The following TRPM3 variants were observed in gnomAD, a reference collection of about 807,000 sequenced individuals.
TRPM3 encodes long transient receptor potential channel 3.
In TRPM3, 77 loss-of-function variants were observed where a neutral mutation model predicts 181.2. The observed-to-expected ratio is 0.42, with a 90% CI of 0.35 to 0.51. The LOEUF is 0.51. Among genes scored for constraint, TRPM3 ranks in the 20% least tolerant of loss-of-function variants. The pLI, the probability that TRPM3 is intolerant of heterozygous loss-of-function variation, is 0.01. For synonymous variants in TRPM3, 745 were observed against 796.4 expected (o/e 0.94, Z 1.09); for missense variants, 1,759 against 2,196.7 (o/e 0.80, Z 3.98).
chr9:71,256,240 G>A (rs899096795), intron 1 of TRPM3, among the ~76,000 whole-genome samples: 1 of 152,192 alleles, frequency 6.6e-6, no homozygotes, highest in Non-Finnish European at 1.5e-5. Context: ...CATGGCTGAA[G>A]TCACTGCGTA....
intron 1 of TRPM3, among the ~76,000 whole-genome samples, chr9:71,065,000 G>C (rs2061741917): frequency 6.6e-6 from 1 of 152,094 alleles, no homozygotes; most frequent in Non-Finnish European, 1.5e-5. Context: ...AATTAGTTTT[G>C]AACAAGGTAA....
At chr9:70,763,509 T>A (rs892595101) in intron 7 of TRPM3, among the ~76,000 whole-genome samples, 2 of 151,984 alleles carry the variant, frequency 1.3e-5, no homozygotes, top group East Asian at 3.9e-4. Flanking sequence ...CTAAAAAAAA[T>A]TTATATTTAG....
intron 1 of TRPM3, among the ~76,000 whole-genome samples, chr9:71,412,743 A>T (rs1019236282): frequency 6.6e-6 from 1 of 152,196 alleles, no homozygotes; most frequent in Non-Finnish European, 1.5e-5. Context: ...CCATCCCATT[A>T]CTGGGTATAT....
At chr9:71,366,495 GA>G (rs2092339634) in intron 1 of TRPM3, among the ~76,000 whole-genome samples, 1 of 152,066 alleles carries the variant, frequency 6.6e-6, no homozygotes, top group Admixed American at 6.5e-5. Flanking sequence ...GGAGAGAGAG[GA>G]AAATATGAGT....
At chr9:71,441,186 C>T (rs749268364) in intron 1 of TRPM3, among the ~76,000 whole-genome samples, 4 of 151,746 alleles carry the variant, frequency 2.6e-5, no homozygotes, top group Non-Finnish European at 4.4e-5. Flanking sequence ...GATATTATTT[C>T]AGAAATGCTT....
chr9:70,994,514 T>C lies in TRPM3; in HGVS notation c.177+126664A>G, dbSNP rs117468880. ...TAATTTTTAAATTTAATTCACTTTT[T>C]TTTTTCAAAATTGGAAGTTAACCTA... On this transcript the variant is annotated intron_variant, in intron 1 of 25. Transcript: ENST00000677713. 1.7e-3 allele frequency among the ~76,000 whole-genome samples: 264 copies of C among 152,220 alleles called. 2 individuals are homozygous for C. The Middle Eastern group carries it at 0.027, about 16-fold the overall frequency.
At chr9:71,185,954 G>A (rs2077653501) in intron 1 of TRPM3, among the ~76,000 whole-genome samples, 1 of 152,094 alleles carries the variant, frequency 6.6e-6, no homozygotes, top group African/African-American at 2.4e-5. Context: ...GAGGCTACAA[G>A]TTCAGAATTA....
intron 1 of TRPM3, among the ~76,000 whole-genome samples, chr9:71,138,543 CTTTTT>C (rs200656276): frequency 0.019 from 2,807 of 150,154 alleles, 40 homozygotes; most frequent in East Asian, 0.075. Flanking sequence ...TCTCCTTTTT[CTTTTT>C]TTTTCAGTTT....
At chr9:71,028,687 C>T (rs967388036) in intron 1 of TRPM3, among the ~76,000 whole-genome samples, 1 of 148,152 alleles carries the variant, frequency 6.7e-6, no homozygotes, top group African/African-American at 2.5e-5. Flanking sequence ...AGACTTTAAA[C>T]CAGCAAAGAT....
intron 9 of TRPM3, among the ~76,000 whole-genome samples, chr9:70,641,225 A>G (rs1240201802): frequency 6.6e-6 from 1 of 152,160 alleles, no homozygotes; most frequent in Admixed American, 6.6e-5. Flanking sequence ...CTTCTTTGAA[A>G]TGCAAGTCTC....
intron 1 of TRPM3, among the ~76,000 whole-genome samples, chr9:71,378,110 A>G (rs1196182023): frequency 1.3e-5 from 2 of 152,120 alleles, no homozygotes; most frequent in Non-Finnish European, 2.9e-5. Context: ...TCATAGATCA[A>G]AAGTTTAAAA....
At chr9:71,351,866 G>GT (rs1565489518) in intron 1 of TRPM3, among the ~76,000 whole-genome samples, 3 of 107,984 alleles carry the variant, frequency 2.8e-5, no homozygotes, top group Non-Finnish European at 6.0e-5. Flanking sequence ...TTGTTTGTTT[G>GT]TTTGTTTTTG....
In TRPM3 at chr9:70,559,918, C is replaced by T. The variant is rs181079129; in HGVS notation, c.3224-6608G>A. 2.8e-4 allele frequency among the ~76,000 whole-genome samples: 43 copies of T among 152,300 alleles called. No individual in the cohort carries two copies. In the Middle Eastern group the frequency reaches 0.01, roughly 36 times the overall value. ...GAGGGCTGTGGAATTCCCCCACATACATCCTGGACCTGAGGACCCTGCCCC... is the reference window on the plus strand; with the variant it reads ...GAGGGCTGTGGAATTCCCCCACATATATCCTGGACCTGAGGACCCTGCCCC... On this transcript the variant is annotated intron_variant, in intron 22 of 25. Coordinates refer to ENST00000677713, the MANE Select transcript of TRPM3 (RefSeq NM_001366145.2).
chr9:71,190,889 C>T (rs1311343562), intron 1 of TRPM3, among the ~76,000 whole-genome samples: 1 of 151,858 alleles, frequency 6.6e-6, no homozygotes, highest in East Asian at 1.9e-4. Flanking sequence ...AGGCCATTCA[C>T]AGGTTCCCTG....
At chr9:71,280,680 C>T (rs1282083183) in intron 1 of TRPM3, among the ~76,000 whole-genome samples, 4 of 152,154 alleles carry the variant, frequency 2.6e-5, no homozygotes, top group African/African-American at 9.7e-5. Flanking sequence ...ATACAAAAGC[C>T]TTTGTGCAGG....
At chr9:71,268,710 T>A (rs1486852696) in intron 1 of TRPM3, among the ~76,000 whole-genome samples, 2 of 151,970 alleles carry the variant, frequency 1.3e-5, no homozygotes, top group Non-Finnish European at 2.9e-5. Context: ...TAATCCCAGC[T>A]ACTCAGTTGG....
chr9:71,369,280 C>G (rs988770323), intron 1 of TRPM3, among the ~76,000 whole-genome samples: 4 of 151,998 alleles, frequency 2.6e-5, no homozygotes, highest in Non-Finnish European at 5.9e-5. Flanking sequence ...AGGGAAAATA[C>G]TAATTGGAAT....
At chr9:71,246,379 C>T (rs1027361240) in intron 1 of TRPM3, among the ~76,000 whole-genome samples, 6 of 152,096 alleles carry the variant, frequency 3.9e-5, no homozygotes, top group Non-Finnish European at 5.9e-5. Flanking sequence ...TCAATGAAAT[C>T]AAGAGTAGAA....
At chr9:70,899,637 C>T (rs548179010) in intron 1 of TRPM3, among the ~76,000 whole-genome samples, 119 of 152,266 alleles carry the variant, frequency 7.8e-4, no homozygotes, top group African/African-American at 2.6e-3. Flanking sequence ...TCCTAACCTA[C>T]GCCTCAGGGA....
Sources: gnomAD v4.1 joint callset for allele counts (sites outside exome capture counted in the v4.1 genomes callset) on GRCh38, gnomAD v4.1.1 for gene constraint, MANE v1.5 for transcripts, NCBI Gene and HGNC (gene_info 2026-07-23, HGNC 2026-07-21) for gene names.